The following SYTL2 variants were observed in gnomAD, a reference collection of about 807,000 sequenced individuals.
SYTL2 encodes the protein synaptotagmin-like protein 2.
A neutral mutation model predicts 198.7 loss-of-function variants in SYTL2; 165 were observed. The ratio of observed to expected loss-of-function variants is 0.83; its 90% CI spans 0.73 to 0.94. The LOEUF (loss-of-function observed/expected upper bound fraction) is 0.94, where lower values mean the gene tolerates loss of function less well. Ranked by LOEUF, SYTL2 falls within the 40% of genes least tolerant of loss-of-function variation. The probability of loss-of-function intolerance (pLI) is 0.00; values close to 1 mark genes in which losing one functional copy is unlikely to be tolerated. For synonymous variants in SYTL2, 966 were observed against 917.7 expected (o/e 1.05, Z -0.95); for missense variants, 2,835 against 2,582.8 (o/e 1.10, Z -2.12).
chr11:85,746,052 C>T (rs1324049225), intron 3 of SYTL2, among the ~76,000 whole-genome samples: 1 of 152,142 alleles, frequency 6.6e-6, no homozygotes, highest in Admixed American at 6.5e-5. Context: ...ATTCTGACTG[C>T]CTCTAGGTTA....
chr11:85,705,679 A>G (rs909096403), intron 15 of SYTL2, among the ~76,000 whole-genome samples: 6 of 152,238 alleles, frequency 3.9e-5, no homozygotes, highest in African/African-American at 1.4e-4. Flanking sequence ...TGGAAAGGAC[A>G]ATAGTACTTC....
At chr11:85,731,289 A>G (rs1409736586) in intron 7 of SYTL2, among the ~76,000 whole-genome samples, 3 of 152,324 alleles carry the variant, frequency 2.0e-5, no homozygotes, top group Non-Finnish European at 4.4e-5. Flanking sequence ...GTTCCTAAGC[A>G]AAAAGAACAA....
Position 85,726,176 on chromosome 11 carries a change from T to G in SYTL2, c.3182A>C (p.Gln1061Pro), listed in dbSNP as rs1239859126. 47 of 1,613,890 alleles carry G rather than the reference T, an allele frequency of 2.9e-5. No homozygotes were observed. Among genetic ancestry groups the G allele is most frequent in the Non-Finnish European group, 3.8e-5 (45 of 1,179,920 alleles). Residue 1061 changes from glutamine to proline, a missense_variant, in exon 8 of 20, where the codon CAG becomes CCG. By Grantham distance (76) the Gln-to-Pro change is moderately conservative (BLOSUM62 -1). Coordinates refer to ENST00000359152, the MANE Select transcript of SYTL2 (RefSeq NM_206927.4). Reference sequence around the variant, plus strand: ...AAATGTGATTTCATCTGGTAGCACCTGGAGTATGCCCTTTGAATTTAATTT... The same window carrying G: ...AAATGTGATTTCATCTGGTAGCACCGGGAGTATGCCCTTTGAATTTAATTT... ...MEKLNSKGIL[Q>P]VLPDEITFPL...
intron 11 of SYTL2, chr11:85,716,324 TCAGA>T (rs2087229882): frequency 1.3e-5 from 2 of 152,186 alleles, no homozygotes; most frequent in African/African-American, 2.4e-5. Context: ...TCTGCAGTAG[TCAGA>T]CAGAGAGCAC....
At chr11:85,753,057 T>C (rs1257566456) in intron 2 of SYTL2, among the ~76,000 whole-genome samples, 1 of 148,466 alleles carries the variant, frequency 6.7e-6, no homozygotes, top group South Asian at 2.2e-4. Context: ...TGTGTGTATA[T>C]GGGGGTGGGG....
intron 16 of SYTL2, among the ~76,000 whole-genome samples, chr11:85,703,726 C>T (rs930337286): frequency 7.2e-5 from 11 of 152,132 alleles, no homozygotes; most frequent in African/African-American, 2.4e-4. Flanking sequence ...CCGTATAAAA[C>T]AATAACGGTA....
chr11:85,838,212 T>C, the SYTL2 span, among the ~76,000 whole-genome samples: 2 of 152,204 alleles, frequency 1.3e-5, no homozygotes, highest in African/African-American at 4.8e-5. Context: ...AGTAATACTG[T>C]ATTTCCCCCT....
intron 1 of SYTL2, among the ~76,000 whole-genome samples, chr11:85,798,672 A>C (rs1480157136): frequency 6.6e-6 from 1 of 152,146 alleles, no homozygotes. Context: ...TCTGCATAAA[A>C]CTGGGTGGGA....
At chr11:85,705,230 GCTTCCCCA>G in intron 15 of SYTL2, 1 of 451,384 alleles carries the variant, frequency 2.2e-6, no homozygotes, top group East Asian at 3.3e-5. Context: ...AAGCTGATTT[GCTTCCCCA>G]CTCTGGAAAA....
the SYTL2 span, among the ~76,000 whole-genome samples, chr11:85,838,086 G>T: frequency 6.6e-6 from 1 of 152,166 alleles, no homozygotes; most frequent in Admixed American, 6.5e-5. Flanking sequence ...ATGTCTCCGG[G>T]GGAACAAAAT....
chr11:85,752,917 TAAAAAAAAAAAAAAAAAAA>T (rs1162431708), intron 2 of SYTL2, among the ~76,000 whole-genome samples: 20 of 17,706 alleles, frequency 1.1e-3, no homozygotes, highest in South Asian at 5.6e-3. Context: ...CTGCCTTCAT[TAAAAAAAAAAAAAAAAAAA>T]AAAAAAAAAA....
chr11:85,843,974 A>C, the SYTL2 span, among the ~76,000 whole-genome samples: 1 of 152,202 alleles, frequency 6.6e-6, no homozygotes, highest in Non-Finnish European at 1.5e-5. Flanking sequence ...CAGAAAGTAT[A>C]TCTCTCAGTC....
chr11:85,699,607 C>A (rs942481108), intron 17 of SYTL2, among the ~76,000 whole-genome samples: 50 of 152,148 alleles, frequency 3.3e-4, no homozygotes, highest in African/African-American at 1.2e-3. Context: ...CATCAGAATG[C>A]TTTTCTTTAG....
the SYTL2 span, among the ~76,000 whole-genome samples, chr11:85,822,644 T>C: frequency 6.6e-6 from 1 of 152,200 alleles, no homozygotes. Flanking sequence ...ACTATAGCTG[T>C]GCTCAGATTG....
rs745953351 is a variant in SYTL2, at chr11:85,727,706, G to GT, written c.1651dup (p.Thr551AsnfsTer10). The GT allele has an allele frequency of 1.9e-5, 30 of 1,546,188 alleles. No homozygotes were observed. The highest frequency in any genetic ancestry group is 2.6e-5 in the Non-Finnish European group (30 of 1,146,978). ...AACAGCAACCTGTGATTTTGAGTCT[G>GT]TTTTTTCTTTGGACTCTATTCCTCG... On this transcript the variant is annotated frameshift_variant, in exon 8 of 20. Transcript: ENST00000359152. LOFTEE classifies it high-confidence loss of function.
the SYTL2 span, among the ~76,000 whole-genome samples, chr11:85,826,622 C>T: frequency 6.6e-6 from 1 of 152,206 alleles, no homozygotes; most frequent in Non-Finnish European, 1.5e-5. Flanking sequence ...TGGGGAGAAA[C>T]AGAAAGCAAA....
In SYTL2 at chr11:85,795,562, T is replaced by C. The variant is rs539854521; in HGVS notation, c.-390+15392A>G. 3.4e-4 allele frequency among the ~76,000 whole-genome samples: 52 copies of C among 152,336 alleles called. 1 individual carries two copies. The South Asian group carries it at 0.011, about 32-fold the overall frequency. ...GCCCAAGGCCGTGTTTTTTGTTTTT[T>C]ACTATAATGTGCTGCTTATGTTAAA... On this transcript the variant is annotated intron_variant, in intron 1 of 19. Transcript: ENST00000359152.
intron 4 of SYTL2, among the ~76,000 whole-genome samples, chr11:85,742,403 G>A (rs1035614114): frequency 6.6e-6 from 1 of 152,186 alleles, no homozygotes; most frequent in African/African-American, 2.4e-5. Flanking sequence ...TTCATGGGAT[G>A]AGTCTTCATT....
rs2088768924 is a variant in SYTL2 at position 85,724,142 on chromosome 11, G to A, written c.5216C>T (p.Ala1739Val). Residue 1739 changes from alanine (A) to valine (V), a missense_variant, in exon 8 of 20, where the codon GCA (alanine) becomes GTA (valine). Ala to Val is a moderately conservative substitution (Grantham distance 64). Coordinates refer to ENST00000359152, the MANE Select transcript of SYTL2 (RefSeq NM_206927.4). ...TKTSKVELTL[A>V]SPYMKQEKEE... The stretch of plus-strand genomic sequence containing the variant: ...TTTCTCTTGTTTCATATATGGCGAT[G>A]CTAGAGTCAATTCAACTTTACTTGT... The A allele has an allele frequency of 5.0e-6, 8 of 1,601,338 alleles. No homozygotes were observed. The Admixed American group carries it at 1.2e-4, about 25-fold the overall frequency.
Sources: gnomAD v4.1 joint callset for allele counts (sites outside exome capture counted in the v4.1 genomes callset) on GRCh38, gnomAD v4.1.1 for gene constraint, MANE v1.5 for transcripts, NCBI Gene and HGNC (gene_info 2026-07-23, HGNC 2026-07-21) for gene names.